Variants in GEMIN5 observed in about 807,000 individuals in gnomAD.
GEMIN5 encodes the protein gem-associated protein 5.
GEMIN5 carries 124 observed loss-of-function variants against 176.9 expected under a neutral mutation model. That is an observed-to-expected ratio of 0.70 (90% CI 0.61 to 0.81). The LOEUF (loss-of-function observed/expected upper bound fraction) is 0.81, where lower values mean the gene tolerates loss of function less well. Among genes scored for constraint, GEMIN5 ranks in the 40% least tolerant of loss-of-function variants. The pLI is 0.00. For missense variants in GEMIN5, 1,843 were observed against 1,814.6 expected, an observed-to-expected ratio of 1.02 and a Z score of -0.28; for synonymous variants, 673 against 665.2, an observed-to-expected ratio of 1.01 and a Z score of -0.18.
chr5:154,926,815 G>A (rs1341790369), intron 7 of GEMIN5, among the ~76,000 whole-genome samples: 1 of 152,208 alleles, frequency 6.6e-6, no homozygotes, highest in Non-Finnish European at 1.5e-5. Flanking sequence ...GGAGGCTGAG[G>A]CAGGCAGATC....
At chr5:154,934,813 A>C (rs1341215153) in intron 3 of GEMIN5, among the ~76,000 whole-genome samples, 1 of 152,142 alleles carries the variant, frequency 6.6e-6, no homozygotes, top group Non-Finnish European at 1.5e-5. Flanking sequence ...TCCTTAGTAC[A>C]TTCGTTTTCC....
At chr5:154,895,131 A>G (rs574941015) in intron 24 of GEMIN5, among the ~76,000 whole-genome samples, 1 of 152,068 alleles carries the variant, frequency 6.6e-6, no homozygotes, top group Admixed American at 6.6e-5. Flanking sequence ...AAACTGTCCA[A>G]TTGTTTTTCA....
At chr5:154,888,940 C>T (rs1763164457) in intron 27 of GEMIN5, among the ~76,000 whole-genome samples, 1 of 151,792 alleles carries the variant, frequency 6.6e-6, no homozygotes, top group African/African-American at 2.4e-5. Flanking sequence ...TCACTGCAAG[C>T]TCCGCCTCCT....
intron 27 of GEMIN5, 120 bp downstream of exon 27, chr5:154,889,201 T>C (rs1164213453): frequency 3.3e-6 from 2 of 603,150 alleles, no homozygotes; most frequent in South Asian, 2.0e-5. Context: ...TAAGCACATA[T>C]GAATGGGTAG....
chr5:154,896,890 G>A (rs1027601191), intron 23 of GEMIN5, among the ~76,000 whole-genome samples: 8 of 152,168 alleles, frequency 5.3e-5, no homozygotes, highest in African/African-American at 1.9e-4. Flanking sequence ...ACTTTCACTA[G>A]ATTTTTAGTT....
rs921103469 is a variant in GEMIN5 at position 154,921,490 on chromosome 5, C to T, written c.1380-65G>A. On this transcript the variant is annotated intron_variant, in intron 9 of 27. Coordinates refer to ENST00000285873, the MANE Select transcript of GEMIN5 (RefSeq NM_015465.5). ...ACAAAAAGGCATAATGAAAAACAGA[C>T]CATCTTTTTCTAAAAGGTCCCCATT... The T allele has an allele frequency of 1.4e-5, 10 of 737,396 alleles. No individual in the cohort carries two copies. The African/African-American group carries it at 1.5e-4, about 11-fold the overall frequency. 45.7% of individuals were successfully genotyped at this position (737,396 alleles called of 1,614,324 possible). A position where few individuals can be genotyped will look rare whatever the true frequency, so the allele number is the denominator to read the frequency against.
chr5:154,924,902 A>C (rs348756), intron 8 of GEMIN5, among the ~76,000 whole-genome samples: 6 of 151,614 alleles, frequency 4.0e-5, no homozygotes, highest in Admixed American at 1.3e-4. Flanking sequence ...GGCAGGAGAA[A>C]GGCGTGAACC....
At chr5:154,916,904 T>C in intron 13 of GEMIN5, 94 bp downstream of exon 13, 2 of 621,340 alleles carry the variant, frequency 3.2e-6, no homozygotes, top group Non-Finnish European at 5.3e-6. Context: ...TATTTTATTA[T>C]AATGTCAAAA....
At position 154,892,610 on chromosome 5, in the gene GEMIN5, A is replaced by G. The variant is rs1763255299; in HGVS notation, c.3598-61T>C. The stretch of plus-strand genomic sequence containing the variant: ...TCCCACGGTAGGCGCAGAGGATGCC[A>G]CCAAACTGTTCCTGTGAACCGCATT... On this transcript the variant is annotated intron_variant, in intron 24 of 27. Coordinates refer to ENST00000285873, the MANE Select transcript of GEMIN5 (RefSeq NM_015465.5). 6.7e-6 allele frequency: 10 copies of G among 1,501,954 alleles called. 1 individual carries two copies. Among genetic ancestry groups the G allele is most frequent in the Middle Eastern group, 1.8e-4 (1 of 5,626 alleles). The allele number at this position is 1,501,954 out of a possible 1,614,324, so 93.0% of individuals were successfully genotyped here. A position where few individuals can be genotyped will look rare whatever the true frequency, so the allele number is the denominator to read the frequency against.
chr5:154,921,444 A>T lies in GEMIN5; in HGVS notation c.1380-19T>A. The T allele has an allele frequency of 8.8e-7, 1 of 1,140,140 alleles. No individual in the cohort carries two copies. The highest frequency in any genetic ancestry group is 1.3e-6 in the Non-Finnish European group (1 of 777,526). 70.6% of individuals were successfully genotyped at this position (1,140,140 alleles called of 1,614,324 possible). Reference sequence around the variant, plus strand: ...TGGAGGCCTTTAGAAGAGCAGGGAGAGAGAACAAATGGAGATTTAAACAAA... The same window carrying T: ...TGGAGGCCTTTAGAAGAGCAGGGAGTGAGAACAAATGGAGATTTAAACAAA... On this transcript the variant is annotated intron_variant, in intron 9 of 27. Coordinates refer to ENST00000285873, the MANE Select transcript of GEMIN5 (RefSeq NM_015465.5).
chr5:154,915,609 A>G (rs536605795), intron 13 of GEMIN5, among the ~76,000 whole-genome samples: 39 of 152,352 alleles, frequency 2.6e-4, no homozygotes, highest in African/African-American at 9.4e-4. Flanking sequence ...CCTATCATGT[A>G]TTAGCGATGC....
At chr5:154,920,388 G>A (rs1763899647) in intron 10 of GEMIN5, among the ~76,000 whole-genome samples, 1 of 152,118 alleles carries the variant, frequency 6.6e-6, no homozygotes, top group African/African-American at 2.4e-5. Flanking sequence ...TCCAAAAGCT[G>A]GGATCAGAAA....
At chr5:154,891,858 A>G in intron 25 of GEMIN5, 116 bp from the exon 26 acceptor site, 1 of 1,008,536 alleles carries the variant, frequency 9.9e-7, no homozygotes, top group South Asian at 1.6e-5. Flanking sequence ...AGGAAAAAGG[A>G]CAACAGTGTG....
At chr5:154,927,304 G>T in intron 7 of GEMIN5, 81 bp downstream of exon 7, 2 of 816,496 alleles carry the variant, frequency 2.4e-6, no homozygotes, top group Non-Finnish European at 2.0e-6. Flanking sequence ...CGACTTGACA[G>T]GTGCTTTGAA....
chr5:154,932,010 A>G (rs1378258784), intron 4 of GEMIN5, 89 bp downstream of exon 4: 3 of 1,063,640 alleles, frequency 2.8e-6, no homozygotes, highest in African/African-American at 3.2e-5. Context: ...CGTCTCCAAA[A>G]ATAAATAATA....
At chr5:154,911,585 T>C in intron 15 of GEMIN5, 142 bp downstream of exon 15, 1 of 629,896 alleles carries the variant, frequency 1.6e-6, no homozygotes, top group Non-Finnish European at 2.7e-6. Context: ...CAAGCCCTTG[T>C]GGCTGCTTTC....
intron 26 of GEMIN5, among the ~76,000 whole-genome samples, chr5:154,890,456 CTTAAAAT>C (rs2113450075): frequency 6.7e-6 from 1 of 149,884 alleles, no homozygotes; most frequent in Admixed American, 6.6e-5. Flanking sequence ...CACCTGGCTT[CTTAAAAT>C]TTAATTTTTT....
chr5:154,931,884 A>G (rs566356251), intron 4 of GEMIN5, among the ~76,000 whole-genome samples: 2 of 152,332 alleles, frequency 1.3e-5, no homozygotes, highest in African/African-American at 2.4e-5. Context: ...GTGGTGGCGC[A>G]TGCCTGTAAT....
At chr5:154,902,800 G>A (rs1008796029) in intron 19 of GEMIN5, 124 bp from the exon 20 acceptor site, 3 of 961,246 alleles carry the variant, frequency 3.1e-6, no homozygotes, top group Non-Finnish European at 3.2e-6. Context: ...TCTCTGATGG[G>A]TGTCACCTAC....
Sources: gnomAD v4.1 joint callset for allele counts (sites outside exome capture counted in the v4.1 genomes callset) on GRCh38, gnomAD v4.1.1 for gene constraint, MANE v1.5 for transcripts, NCBI Gene and HGNC (gene_info 2026-07-23, HGNC 2026-07-21) for gene names.